Variants in MAPK4 observed in about 807,000 individuals in gnomAD.
MAPK4 encodes Erk3-related.
In MAPK4, 22 loss-of-function variants were observed where a neutral mutation model predicts 47.7. That is an observed-to-expected ratio of 0.46 (90% CI 0.33 to 0.66). The LOEUF (loss-of-function observed/expected upper bound fraction) is 0.66. Among genes scored for constraint, MAPK4 ranks in the 30% least tolerant of loss-of-function variants. The pLI is 0.02. For synonymous variants in MAPK4, 390 were observed against 365.7 expected (o/e 1.07, Z -0.76); for missense variants, 736 against 831.7 (o/e 0.88, Z 1.42).
At chr18:50,661,264 A>G (rs912747487) in intron 1 of MAPK4, among the ~76,000 whole-genome samples, 2 of 152,222 alleles carry the variant, frequency 1.3e-5, no homozygotes, top group Non-Finnish European at 2.9e-5. Context: ...CTTGGGCAGC[A>G]GGAGTCAAGG....
intron 1 of MAPK4, among the ~76,000 whole-genome samples, chr18:50,606,651 T>C (rs2042585684): frequency 6.6e-6 from 1 of 152,320 alleles, no homozygotes; most frequent in African/African-American, 2.4e-5. Context: ...GCAAACTTTT[T>C]CTTAAAGGAC....
At chr18:50,613,027 CT>C (rs1332171354) in intron 1 of MAPK4, among the ~76,000 whole-genome samples, 1 of 152,124 alleles carries the variant, frequency 6.6e-6, no homozygotes, top group Non-Finnish European at 1.5e-5. Flanking sequence ...TTTTACAAGA[CT>C]TTTTTTCATC....
intron 1 of MAPK4, among the ~76,000 whole-genome samples, chr18:50,622,164 T>G (rs1485935845): frequency 6.6e-6 from 1 of 152,166 alleles, no homozygotes; most frequent in Admixed American, 6.5e-5. Context: ...TGATGGGGTT[T>G]TCAACCATGT....
At chr18:50,565,272 A>G (rs546729576) in intron 1 of MAPK4, among the ~76,000 whole-genome samples, 7 of 152,320 alleles carry the variant, frequency 4.6e-5, no homozygotes, top group African/African-American at 1.7e-4. Context: ...CCAGGTCCAC[A>G]TGAGCAGCAT....
At chr18:50,685,542 G>C (rs945718275) in intron 2 of MAPK4, among the ~76,000 whole-genome samples, 1 of 152,232 alleles carries the variant, frequency 6.6e-6, no homozygotes, top group African/African-American at 2.4e-5. Flanking sequence ...AATGTGCAGT[G>C]CATGTGGGGG....
In MAPK4 at chr18:50,678,035, C is replaced by T. The variant is rs1387332573; in HGVS notation, c.546+13531C>T. Among the ~76,000 whole-genome samples the T allele has an allele frequency of 2.6e-5, 4 of 152,140 alleles. No homozygotes were observed. Among genetic ancestry groups the T allele is most frequent in the Non-Finnish European group, 4.4e-5 (3 of 68,030 alleles). ...CTAACTAGTGCCATGTGAGCCTAAG[C>T]AAGTTACTTAACCTCCCTCAGGCTG... On this transcript the variant is annotated intron_variant, in intron 2 of 5. Coordinates refer to ENST00000400384, the MANE Select transcript of MAPK4 (RefSeq NM_002747.4). This position sits in a 1 kb window ranked among gnomAD's most constrained non-coding sequence, Gnocchi z 4.2.
chr18:50,561,445 C>A (rs1209266519), intron 1 of MAPK4, among the ~76,000 whole-genome samples: 1 of 152,148 alleles, frequency 6.6e-6, no homozygotes, highest in Non-Finnish European at 1.5e-5. Context: ...GAGCACCTAC[C>A]CCGTGCGAAG....
In MAPK4 at chr18:50,715,096, G is replaced by T. The variant is rs373908500; in HGVS notation, c.564G>T (p.Gly188=). 1 of 1,614,030 alleles carries T rather than the reference G, an allele frequency of 6.2e-7. No individual in the cohort carries two copies. Among genetic ancestry groups the T allele is most frequent in the Non-Finnish European group, 8.5e-7 (1 of 1,180,006 alleles). The change falls in exon 3 of 6, where the codon GGG becomes GGT. Residue 188 remains glycine, a synonymous_variant. Coordinates refer to ENST00000400384, the MANE Select transcript of MAPK4 (RefSeq NM_002747.4). ...TCTTTCAGGGTTATCTGTCAGAAGG[G>T]TTGGTAACAAAGTGGTACCGTTCCC... The part of the protein sequence containing the change: ...HYSHKGYLSE[G]LVTKWYRSPR...
At chr18:50,578,085 C>A (rs2042313469) in intron 1 of MAPK4, among the ~76,000 whole-genome samples, 1 of 152,224 alleles carries the variant, frequency 6.6e-6, no homozygotes, top group African/African-American at 2.4e-5. Flanking sequence ...GCACAGACTG[C>A]ATGTGTTGCC....
chr18:50,703,181 G>T (rs1909879385), intron 2 of MAPK4, among the ~76,000 whole-genome samples: 1 of 152,078 alleles, frequency 6.6e-6, no homozygotes, highest in African/African-American at 2.4e-5. Flanking sequence ...TCCTCCCCAT[G>T]CTCACTCCCC....
At chr18:50,577,996 T>C (rs1233949439) in intron 1 of MAPK4, among the ~76,000 whole-genome samples, 4 of 152,232 alleles carry the variant, frequency 2.6e-5, no homozygotes, top group Non-Finnish European at 5.9e-5. Context: ...GATTTAGCCT[T>C]AGGTGAACTC....
At chr18:50,568,218 GA>G (rs985358000) in intron 1 of MAPK4, among the ~76,000 whole-genome samples, 1 of 150,426 alleles carries the variant, frequency 6.6e-6, no homozygotes, top group Non-Finnish European at 1.5e-5. Context: ...AAAGAAAAAA[GA>G]AAAAAAGAAT....
intron 1 of MAPK4, among the ~76,000 whole-genome samples, chr18:50,643,699 C>T (rs1281197269): frequency 6.6e-6 from 1 of 152,104 alleles, no homozygotes; most frequent in African/African-American, 2.4e-5. Context: ...TGGAAGGAGG[C>T]TTCAGTAGTT....
chr18:50,590,531 C>T (rs149916072), intron 1 of MAPK4, among the ~76,000 whole-genome samples: 3 of 152,320 alleles, frequency 2.0e-5, no homozygotes, highest in African/African-American at 2.4e-5. Flanking sequence ...CAGCTCACCA[C>T]ACCTTATACA....
At chr18:50,657,519 C>T (rs944707977) in intron 1 of MAPK4, among the ~76,000 whole-genome samples, 6 of 152,146 alleles carry the variant, frequency 3.9e-5, no homozygotes, top group African/African-American at 1.4e-4. Context: ...CCTATTTGAG[C>T]CTTGAGATGA....
At chr18:50,679,672 C>T (rs1908472923) in intron 2 of MAPK4, among the ~76,000 whole-genome samples, 1 of 152,278 alleles carries the variant, frequency 6.6e-6, no homozygotes, top group East Asian at 1.9e-4. Context: ...GGCTCCGTTC[C>T]AGAATTTGAG....
intron 1 of MAPK4, among the ~76,000 whole-genome samples, chr18:50,593,328 A>G (rs1469064748): frequency 6.6e-6 from 1 of 152,142 alleles, no homozygotes; most frequent in Non-Finnish European, 1.5e-5. Context: ...GCAGGCTGGC[A>G]ATCCTTAGTT....
intron 1 of MAPK4, among the ~76,000 whole-genome samples, chr18:50,659,287 A>G (rs1568066879): frequency 6.6e-6 from 1 of 152,172 alleles, no homozygotes; most frequent in Non-Finnish European, 1.5e-5. Context: ...TGCAGTGCAT[A>G]GCATGCTCAG....
At chr18:50,727,312 C>CG (rs1911254207) in intron 5 of MAPK4, among the ~76,000 whole-genome samples, 1 of 152,076 alleles carries the variant, frequency 6.6e-6, no homozygotes, top group Admixed American at 6.6e-5. Flanking sequence ...GTCCCACTGC[C>CG]GGGGGAATGT....
Sources: gnomAD v4.1 joint callset for allele counts (sites outside exome capture counted in the v4.1 genomes callset) on GRCh38, gnomAD v4.1.1 for gene constraint, Gnocchi (gnomAD v3.1) non-coding constraint, MANE v1.5 for transcripts, NCBI Gene and HGNC (gene_info 2026-07-23, HGNC 2026-07-21) for gene names.